Variants in DAB1 observed in about 807,000 individuals in gnomAD.
DAB1 encodes the protein disabled homolog 1.
In DAB1, 15 loss-of-function variants were observed where a neutral mutation model predicts 64.6. The ratio of observed to expected loss-of-function variants is 0.23; its 90% confidence interval spans 0.16 to 0.36. DAB1 has a LOEUF of 0.36. Ranked by LOEUF, DAB1 falls within the 10% of genes least tolerant of loss-of-function variation. DAB1 has a pLI of 1.00. For missense variants in DAB1, 596 were observed against 706.7 expected (o/e 0.84, Z 1.78); for synonymous variants, 235 against 251.9 (o/e 0.93, Z 0.64).
intron 6 of DAB1, among the ~76,000 whole-genome samples, chr1:57,702,531 A>T (rs922758495): frequency 2.6e-5 from 4 of 152,084 alleles, no homozygotes; most frequent in Non-Finnish European, 5.9e-5. Context: ...ATCTACCTCT[A>T]TGTTGGCATA....
At chr1:57,617,841 G>A (rs551747702) in intron 7 of DAB1, among the ~76,000 whole-genome samples, 44 of 152,256 alleles carry the variant, frequency 2.9e-4, no homozygotes, top group African/African-American at 1.1e-3. Flanking sequence ...AAGACAAAAG[G>A]TACCTGGGTT....
At chr1:57,139,311 A>T (rs1658383884) in intron 3 of DAB1, among the ~76,000 whole-genome samples, 1 of 152,154 alleles carries the variant, frequency 6.6e-6, no homozygotes. Context: ...TACAGCATGT[A>T]TCCACTTTGG....
At chr1:57,337,100 T>C (rs1677143253) in intron 1 of DAB1, among the ~76,000 whole-genome samples, 1 of 152,154 alleles carries the variant, frequency 6.6e-6, no homozygotes, top group Non-Finnish European at 1.5e-5. Context: ...CACTTGAATG[T>C]CTCTACCTAG....
intron 1 of DAB1, among the ~76,000 whole-genome samples, chr1:57,391,329 C>A (rs999826865): frequency 6.6e-6 from 1 of 152,154 alleles, no homozygotes; most frequent in Non-Finnish European, 1.5e-5. Flanking sequence ...TCTTCATGAT[C>A]TATTTTGTTG....
intron 9 of DAB1, among the ~76,000 whole-genome samples, chr1:57,037,637 C>T (rs1204541657): frequency 6.6e-6 from 1 of 152,156 alleles, no homozygotes; most frequent in African/African-American, 2.4e-5. Flanking sequence ...GTTACATTTC[C>T]CTAATGAAGG....
At chr1:58,083,926 C>G (rs144353638) in intron 5 of DAB1, among the ~76,000 whole-genome samples, 2 of 152,198 alleles carry the variant, frequency 1.3e-5, no homozygotes, top group African/African-American at 4.8e-5. Context: ...TTAAGTAGAA[C>G]GTTCTAGGGA....
At chr1:58,140,142 A>G (rs989640483) in intron 5 of DAB1, among the ~76,000 whole-genome samples, 1 of 152,172 alleles carries the variant, frequency 6.6e-6, no homozygotes, top group Non-Finnish European at 1.5e-5. Flanking sequence ...GGTTAGCTCC[A>G]TCCCTCTTAT....
rs188215871 is a variant in DAB1 at position 58,132,115 on chromosome 1, G to A, written n.387+18396C>T. On this transcript the variant is annotated intron_variant and non_coding_transcript_variant, in intron 5 of 20. Coordinates refer to the DAB1 transcript ENST00000485760. Reference sequence around the variant, plus strand: ...CTGGGCTAGCAATCAGCGAGACTCCGTGGGCGTAGGACCCTCCAAGCCAGG... The same window carrying A: ...CTGGGCTAGCAATCAGCGAGACTCCATGGGCGTAGGACCCTCCAAGCCAGG... 3.4e-3 allele frequency among the ~76,000 whole-genome samples: 521 copies of A among 152,282 alleles called. 4 individuals carry two copies. The highest frequency in any genetic ancestry group is 0.011 in the African/African-American group (477 of 41,566).
At chr1:57,780,903 T>C (rs1650036900) in intron 6 of DAB1, among the ~76,000 whole-genome samples, 2 of 151,518 alleles carry the variant, frequency 1.3e-5, no homozygotes. Flanking sequence ...ATTTTTTGTA[T>C]TTTTAGTAGA....
intron 4 of DAB1, among the ~76,000 whole-genome samples, chr1:57,110,303 G>A (rs1655540701): frequency 6.6e-6 from 1 of 152,166 alleles, no homozygotes; most frequent in Admixed American, 6.5e-5. Flanking sequence ...GAGAACTGGA[G>A]CCCTGCTACC....
chr1:57,373,903 G>T lies in DAB1; in HGVS notation c.-137+50027C>A, dbSNP rs567336145. Among the ~76,000 whole-genome samples the T allele has an allele frequency of 8.7e-4, 133 of 152,306 alleles. 5 individuals are homozygous for T. In the South Asian group the frequency reaches 0.027, roughly 30 times the overall value. On this transcript the variant is annotated intron_variant, in intron 1 of 14. Transcript: ENST00000371236. ...AGAAGATACTTAAAGGGTTATTAAA[G>T]AATTGGATACAATTTTTCCAGCCTT...
intron 1 of DAB1, among the ~76,000 whole-genome samples, chr1:58,541,774 T>C (rs554132007): frequency 6.6e-6 from 1 of 152,308 alleles, no homozygotes; most frequent in African/African-American, 2.4e-5. Context: ...CCTGAGATAC[T>C]TGCTGAAGGA....
chr1:57,232,021 C>A (rs527471904), intron 2 of DAB1, among the ~76,000 whole-genome samples: 1 of 152,306 alleles, frequency 6.6e-6, no homozygotes, highest in South Asian at 2.1e-4. Flanking sequence ...CTGGGCTGAC[C>A]TCCCCAGATT....
chr1:58,357,842 C>T (rs959917298), intron 3 of DAB1, among the ~76,000 whole-genome samples: 3 of 152,058 alleles, frequency 2.0e-5, no homozygotes, highest in African/African-American at 4.8e-5. Flanking sequence ...AAAGGAGGAA[C>T]CTGTAAAGGA....
chr1:58,206,279 G>T (rs1270628267), intron 4 of DAB1, among the ~76,000 whole-genome samples: 1 of 152,172 alleles, frequency 6.6e-6, no homozygotes, highest in African/African-American at 2.4e-5. Flanking sequence ...GCATTTTTTT[G>T]AGTTTCTGAT....
intron 5 of DAB1, among the ~76,000 whole-genome samples, chr1:58,112,539 C>T (rs1311551718): frequency 6.6e-6 from 1 of 152,122 alleles, no homozygotes; most frequent in African/African-American, 2.4e-5. Context: ...CAATGATAGG[C>T]ACCTCAAAGA....
chr1:57,676,364 A>G (rs975451882), intron 6 of DAB1, among the ~76,000 whole-genome samples: 2 of 152,244 alleles, frequency 1.3e-5, no homozygotes, highest in Non-Finnish European at 2.9e-5. Flanking sequence ...CTCAGTAGAG[A>G]AATACTGGAT....
chr1:57,382,389 A>C (rs936922449), intron 1 of DAB1, among the ~76,000 whole-genome samples: 3 of 152,164 alleles, frequency 2.0e-5, no homozygotes, highest in Admixed American at 6.6e-5. Flanking sequence ...TTATCCATTC[A>C]TTCTCAACAA....
intron 4 of DAB1, among the ~76,000 whole-genome samples, chr1:57,120,625 C>T (rs1180193420): frequency 6.6e-6 from 1 of 152,164 alleles, no homozygotes; most frequent in Non-Finnish European, 1.5e-5. Context: ...TTCCCTCCTC[C>T]CTGCAGTCTC....
Sources: allele counts gnomAD v4.1 joint callset (sites outside exome capture counted in the v4.1 genomes callset), GRCh38; gene constraint gnomAD v4.1.1; transcripts MANE v1.5; gene names NCBI Gene and HGNC (gene_info 2026-07-23, HGNC 2026-07-21).